PTPRM: variants seen among roughly 807,000 people sequenced by gnomAD.
PTPRM encodes protein tyrosine phosphatase receptor type M.
In PTPRM, 47 loss-of-function variants were observed where a neutral mutation model predicts 186.7. The ratio of observed to expected loss-of-function variants is 0.25; its 90% CI spans 0.20 to 0.32. The LOEUF (loss-of-function observed/expected upper bound fraction) is 0.32. PTPRM is among the 10% of genes least tolerant of loss of function. The probability of loss-of-function intolerance (pLI) is 1.00; values close to 1 mark genes in which losing one functional copy is unlikely to be tolerated. For missense variants in PTPRM, 1,494 were observed against 1,865.0 expected, an observed-to-expected ratio of 0.80 and a Z score of 3.66; for synonymous variants, 668 against 674.9, an observed-to-expected ratio of 0.99 and a Z score of 0.16.
intron 2 of PTPRM, among the ~76,000 whole-genome samples, chr18:7,787,084 G>A (rs534067542): frequency 5.3e-5 from 8 of 152,300 alleles, no homozygotes; most frequent in African/African-American, 1.9e-4. Flanking sequence ...GACTTTTAGA[G>A]GGCCCACTTG....
At chr18:8,197,077 AG>A (rs1181876731) in intron 14 of PTPRM, among the ~76,000 whole-genome samples, 8 of 152,192 alleles carry the variant, frequency 5.3e-5, no homozygotes, top group African/African-American at 1.9e-4. Context: ...GTTTGTTTTG[AG>A]AGATTAGAGT....
intron 1 of PTPRM, among the ~76,000 whole-genome samples, chr18:7,647,175 A>C (rs894617458): frequency 6.6e-6 from 1 of 152,162 alleles, no homozygotes; most frequent in Admixed American, 6.5e-5. Context: ...CACTGAGGGT[A>C]AACTCTTACT....
intron 1 of PTPRM, among the ~76,000 whole-genome samples, chr18:7,748,066 G>A (rs758434224): frequency 2.0e-5 from 3 of 152,104 alleles, no homozygotes; most frequent in Admixed American, 6.5e-5. Context: ...ATTTGGGTAC[G>A]TGGCCCCCCA....
At chr18:8,067,138 A>G (rs1186403351) in intron 7 of PTPRM, among the ~76,000 whole-genome samples, 1 of 152,224 alleles carries the variant, frequency 6.6e-6, no homozygotes, top group Non-Finnish European at 1.5e-5. Context: ...TTTATTAGTC[A>G]GTAAAATTGA....
intron 26 of PTPRM, 159 bp from the exon 27 acceptor site, chr18:8,378,106 G>T (rs758796145): frequency 2.1e-5 from 14 of 657,152 alleles, no homozygotes; most frequent in Non-Finnish European, 2.3e-5. Flanking sequence ...GTAATATTTG[G>T]CATTGCACCC....
chr18:8,017,614 G>A (rs139444784), intron 7 of PTPRM, among the ~76,000 whole-genome samples: 3 of 147,580 alleles, frequency 2.0e-5, no homozygotes, highest in Non-Finnish European at 3.0e-5. Context: ...AAATTAGAGC[G>A]TCCTCAGTGC....
chr18:7,918,229 A>G (rs1247493156), intron 4 of PTPRM, among the ~76,000 whole-genome samples: 3 of 152,082 alleles, frequency 2.0e-5, no homozygotes, highest in Non-Finnish European at 4.4e-5. Context: ...TGATATATTG[A>G]TTTCCTTTCT....
chr18:7,859,685 G>A (rs575849709), intron 2 of PTPRM, among the ~76,000 whole-genome samples: 6 of 152,320 alleles, frequency 3.9e-5, no homozygotes, highest in Admixed American at 2.6e-4. Flanking sequence ...GTCAGAAATG[G>A]GGGTTGAGGA....
At chr18:8,381,839 A>G (rs1422196365) in intron 29 of PTPRM, among the ~76,000 whole-genome samples, 3 of 152,226 alleles carry the variant, frequency 2.0e-5, no homozygotes, top group Non-Finnish European at 4.4e-5. Flanking sequence ...CTTATTTAGA[A>G]TCATGATGGT....
chr18:8,335,894 C>T (rs189828897), intron 22 of PTPRM, among the ~76,000 whole-genome samples: 12 of 152,190 alleles, frequency 7.9e-5, no homozygotes, highest in South Asian at 2.1e-4. Context: ...TGGTAGCGCA[C>T]GCCTGTAGTC....
chr18:7,838,210 G>T (rs2046149521), intron 2 of PTPRM, among the ~76,000 whole-genome samples: 1 of 152,198 alleles, frequency 6.6e-6, no homozygotes. Context: ...ATGGCAGCAG[G>T]AGAGAGAAGT....
At chr18:7,653,493 C>T (rs1401920892) in intron 1 of PTPRM, among the ~76,000 whole-genome samples, 5 of 152,042 alleles carry the variant, frequency 3.3e-5, no homozygotes, top group African/African-American at 4.8e-5. Context: ...TCCCATAGAC[C>T]GCAGTGTGTG....
At chr18:7,764,385 T>C (rs1055939767) in intron 1 of PTPRM, among the ~76,000 whole-genome samples, 6 of 152,330 alleles carry the variant, frequency 3.9e-5, no homozygotes, top group East Asian at 1.9e-4. Flanking sequence ...ATAGGATGGT[T>C]ATACCTTTTT....
chr18:7,834,791 C>T (rs997446481), intron 2 of PTPRM, among the ~76,000 whole-genome samples: 1 of 151,778 alleles, frequency 6.6e-6, no homozygotes, highest in African/African-American at 2.4e-5. Flanking sequence ...TCCCATTACT[C>T]GTTATTGGTC....
At chr18:8,360,272 A>G (rs1244910784) in intron 23 of PTPRM, among the ~76,000 whole-genome samples, 4 of 152,244 alleles carry the variant, frequency 2.6e-5, no homozygotes, top group Non-Finnish European at 5.9e-5. Flanking sequence ...AGTGCCTGCC[A>G]CATGTCTAAG....
intron 13 of PTPRM, 55 bp from the exon 14 acceptor site, chr18:8,143,592 A>G (rs2092813463): frequency 1.3e-6 from 2 of 1,523,832 alleles, no homozygotes; most frequent in Non-Finnish European, 1.8e-6. Flanking sequence ...AAACTGTGGC[A>G]TCTTTATTCT....
At chr18:7,632,014 A>G (rs1197790637) in intron 1 of PTPRM, among the ~76,000 whole-genome samples, 1 of 152,246 alleles carries the variant, frequency 6.6e-6, no homozygotes, top group African/African-American at 2.4e-5. Context: ...TTATCACTTT[A>G]CAGATAGAAC....
At chr18:8,101,908 A>G (rs2091307771) in intron 11 of PTPRM, among the ~76,000 whole-genome samples, 1 of 152,096 alleles carries the variant, frequency 6.6e-6, no homozygotes, top group African/African-American at 2.4e-5. Context: ...GCAAATTAAT[A>G]TCCTTTATTT....
intron 14 of PTPRM, among the ~76,000 whole-genome samples, chr18:8,212,563 G>C (rs1198753088): frequency 6.6e-6 from 1 of 152,154 alleles, no homozygotes; most frequent in Non-Finnish European, 1.5e-5. Context: ...AGTGCTTTGT[G>C]GGGGGCCAAG....
Sources: gnomAD v4.1 joint callset for allele counts (sites outside exome capture counted in the v4.1 genomes callset) on GRCh38, gnomAD v4.1.1 for gene constraint, MANE v1.5 for transcripts, NCBI Gene and HGNC (gene_info 2026-07-23, HGNC 2026-07-21) for gene names.